ANKS1B: variants seen among roughly 807,000 people sequenced by gnomAD.
ANKS1B encodes the protein ankyrin repeat and sterile alpha motif domain containing 1B, also known as ankyrin repeat and sterile alpha motif domain-containing protein 1B.
ANKS1B carries 36 observed loss-of-function variants against 148.3 expected under a neutral mutation model. That is an observed-to-expected ratio of 0.24 (90% CI 0.19 to 0.32). The LOEUF (loss-of-function observed/expected upper bound fraction) is 0.32. Among genes scored for constraint, ANKS1B ranks in the 10% least tolerant of loss-of-function variants. The pLI is 1.00. For synonymous variants in ANKS1B, 542 were observed against 560.8 expected, an observed-to-expected ratio of 0.97 and a Z score of 0.47; for missense variants, 1,157 against 1,542.6, an observed-to-expected ratio of 0.75 and a Z score of 4.19.
intron 8 of ANKS1B, among the ~76,000 whole-genome samples, chr12:99,750,088 G>A (rs1431090234): frequency 6.6e-6 from 1 of 151,920 alleles, no homozygotes; most frequent in Admixed American, 6.6e-5. Flanking sequence ...AAAAGAACAA[G>A]ATCTCAAATT....
intron 14 of ANKS1B, among the ~76,000 whole-genome samples, chr12:99,187,997 T>C (rs2080101335): frequency 6.6e-6 from 1 of 151,650 alleles, no homozygotes; most frequent in Admixed American, 6.6e-5. Flanking sequence ...GATGGGGGAA[T>C]ATTTACCAAG....
chr12:98,894,407 G>C (rs1263302059), intron 17 of ANKS1B, among the ~76,000 whole-genome samples: 1 of 151,994 alleles, frequency 6.6e-6, no homozygotes, highest in Non-Finnish European at 1.5e-5. Context: ...TGGGGGAATC[G>C]ATAACCAGAA....
chr12:99,408,394 AC>A lies in ANKS1B; in HGVS notation c.1576-8584del, dbSNP rs1739102332. 2.7e-5 allele frequency among the ~76,000 whole-genome samples: 4 copies of A among 146,034 alleles called. No individual in the cohort carries two copies. The South Asian group carries it at 8.4e-4, about 31-fold the overall frequency. Reference sequence around the variant, plus strand: ...ATCTAAGACCTCAAACTACAAAACTACTAAAAGAAAGCATCAGGGAAGCTCT... The same window carrying A: ...ATCTAAGACCTCAAACTACAAAACTATAAAAGAAAGCATCAGGGAAGCTCT... On this transcript the variant is annotated intron_variant, in intron 11 of 26. Transcript: ENST00000683438.
intron 17 of ANKS1B, among the ~76,000 whole-genome samples, chr12:98,943,520 C>T (rs1321368599): frequency 6.6e-6 from 1 of 152,174 alleles, no homozygotes; most frequent in Non-Finnish European, 1.5e-5. Flanking sequence ...CATTTCCTTG[C>T]ATGTTTCATC....
chr12:99,798,925 T>A (rs987157773), intron 4 of ANKS1B, among the ~76,000 whole-genome samples: 1 of 152,086 alleles, frequency 6.6e-6, no homozygotes, highest in Non-Finnish European at 1.5e-5. Context: ...CATCTCTGCC[T>A]CTTGCATCTT....
chr12:99,420,455 T>C (rs2095047855), intron 11 of ANKS1B, among the ~76,000 whole-genome samples: 1 of 152,262 alleles, frequency 6.6e-6, no homozygotes, highest in South Asian at 2.1e-4. Flanking sequence ...ACATAGCACT[T>C]CCCCTGGAGT....
intron 17 of ANKS1B, among the ~76,000 whole-genome samples, chr12:98,971,571 A>G (rs2099883144): frequency 6.6e-6 from 1 of 152,204 alleles, no homozygotes; most frequent in Non-Finnish European, 1.5e-5. Flanking sequence ...CCCTTTGTCT[A>G]GAGTGATCTT....
At chr12:98,925,762 A>G (rs2099807245) in intron 17 of ANKS1B, among the ~76,000 whole-genome samples, 1 of 152,152 alleles carries the variant, frequency 6.6e-6, no homozygotes, top group Non-Finnish European at 1.5e-5. Flanking sequence ...CAAAATTCCC[A>G]TTCCCAGAGA....
At chr12:98,894,098 C>A (rs188893038) in intron 17 of ANKS1B, among the ~76,000 whole-genome samples, 4 of 152,180 alleles carry the variant, frequency 2.6e-5, no homozygotes, top group Admixed American at 6.5e-5. Flanking sequence ...TCCATGCCCA[C>A]GTCCCCCTCT....
In ANKS1B at chr12:98,751,122, G is replaced by T. The variant is rs2098079763; in HGVS notation, c.3747+233C>A. On this transcript the variant is annotated intron_variant, in intron 26 of 26. Transcript: ENST00000683438. This position sits in a 1 kb window ranked among gnomAD's most constrained non-coding sequence, Gnocchi z 4.3. ...TGAGACCCTTCATAGGGTTGCTGCAGGTGACTGAGAAAGTGGATTTCTCTG... is the reference window on the plus strand; with the variant it reads ...TGAGACCCTTCATAGGGTTGCTGCATGTGACTGAGAAAGTGGATTTCTCTG... Among the ~76,000 whole-genome samples, 1 of 152,190 alleles carries T rather than the reference G, an allele frequency of 6.6e-6. No individual in the cohort carries two copies.
intron 9 of ANKS1B, among the ~76,000 whole-genome samples, chr12:99,638,826 C>T (rs928762351): frequency 6.6e-6 from 1 of 152,164 alleles, no homozygotes; most frequent in Non-Finnish European, 1.5e-5. Context: ...CAGGGTCCCC[C>T]GTGCTGCCTC....
At chr12:99,180,143 T>C (rs2078943625) in intron 14 of ANKS1B, among the ~76,000 whole-genome samples, 1 of 152,232 alleles carries the variant, frequency 6.6e-6, no homozygotes, top group South Asian at 2.1e-4. Flanking sequence ...TACTGATCCT[T>C]TGAGGTCCTT....
At chr12:98,825,433 A>G (rs2099240309) in intron 19 of ANKS1B, among the ~76,000 whole-genome samples, 1 of 152,156 alleles carries the variant, frequency 6.6e-6, no homozygotes, top group Non-Finnish European at 1.5e-5. Context: ...CCCAGGTAAT[A>G]CTGCTTTTTT....
intron 15 of ANKS1B, among the ~76,000 whole-genome samples, chr12:99,153,908 A>G (rs1262974015): frequency 2.6e-5 from 4 of 152,222 alleles, no homozygotes; most frequent in African/African-American, 4.8e-5. Flanking sequence ...CTGATGCTCA[A>G]GTGAAATAAT....
intron 1 of ANKS1B, among the ~76,000 whole-genome samples, chr12:99,870,171 C>T (rs2091319706): frequency 6.6e-6 from 1 of 152,144 alleles, no homozygotes; most frequent in Admixed American, 6.5e-5. Flanking sequence ...TTAGCTCCCA[C>T]CTATAAGTGA....
intron 17 of ANKS1B, among the ~76,000 whole-genome samples, chr12:98,936,479 T>C (rs2099818786): frequency 6.6e-6 from 1 of 151,968 alleles, no homozygotes; most frequent in Non-Finnish European, 1.5e-5. Context: ...ATACAAAAAT[T>C]AGCCGGGCGT....
intron 2 of ANKS1B, among the ~76,000 whole-genome samples, chr12:99,814,449 G>A (rs778448101): frequency 4.6e-5 from 7 of 151,576 alleles, no homozygotes; most frequent in Non-Finnish European, 8.9e-5. Flanking sequence ...AGTCACCTTC[G>A]AAAAACAGAA....
rs76719357 is a variant in ANKS1B at position 99,151,566 on chromosome 12, C to A, written c.2526+2723G>T. Among the ~76,000 whole-genome samples the A allele has an allele frequency of 6.7e-3, 1,006 of 151,272 alleles. 10 individuals are homozygous for A. Among genetic ancestry groups the A allele is most frequent in the African/African-American group, 0.023 (936 of 41,310 alleles). ...ACCAAAAACAAAAAACAACTGGGGT[C>A]TTTCTTTTCTAACCATATCTAGACA... On this transcript the variant is annotated intron_variant, in intron 15 of 26. Coordinates refer to ENST00000683438, the MANE Select transcript of ANKS1B (RefSeq NM_001352186.2).
intron 10 of ANKS1B, among the ~76,000 whole-genome samples, chr12:99,474,533 C>T (rs1242755632): frequency 6.6e-6 from 1 of 151,738 alleles, no homozygotes; most frequent in East Asian, 1.9e-4. Context: ...AAAGTTCTAT[C>T]CTGCTCATTA....
Sources: allele counts gnomAD v4.1 joint callset (sites outside exome capture counted in the v4.1 genomes callset), GRCh38; gene constraint gnomAD v4.1.1; non-coding constraint Gnocchi (gnomAD v3.1); transcripts MANE v1.5; gene names NCBI Gene and HGNC (gene_info 2026-07-23, HGNC 2026-07-21).